RPIA: variants seen among roughly 807,000 people sequenced by gnomAD.
The protein encoded by RPIA is ribose-5-phosphate isomerase.
RPIA carries 29 observed loss-of-function variants against 37.8 expected under a neutral mutation model. The ratio of observed to expected loss-of-function variants is 0.77; its 90% confidence interval spans 0.57 to 1.05. The LOEUF (loss-of-function observed/expected upper bound fraction) is 1.05, where lower values mean the gene tolerates loss of function less well. Ranked by LOEUF, RPIA falls within the 50% of genes least tolerant of loss-of-function variation. The probability of loss-of-function intolerance (pLI) is 0.00; values close to 1 mark genes in which losing one functional copy is unlikely to be tolerated. For synonymous variants in RPIA, 167 were observed against 157.0 expected, an observed-to-expected ratio of 1.06 and a Z score of -0.48; for missense variants, 385 against 413.6, an observed-to-expected ratio of 0.93 and a Z score of 0.60.
chr2:88,739,128 T>G (rs1168533086), intron 8 of RPIA, among the ~76,000 whole-genome samples: 1 of 152,220 alleles, frequency 6.6e-6, no homozygotes, highest in South Asian at 2.1e-4. Context: ...TATCAAGGGC[T>G]CGTACAGGGG....
At chr2:88,707,060 A>G (rs1268768504) in intron 3 of RPIA, among the ~76,000 whole-genome samples, 1 of 152,232 alleles carries the variant, frequency 6.6e-6, no homozygotes, top group East Asian at 1.9e-4. Context: ...TGGAGGGCAC[A>G]TTTTAGAGGC....
intron 3 of RPIA, among the ~76,000 whole-genome samples, chr2:88,718,126 G>T (rs1468289949): frequency 6.6e-6 from 1 of 152,130 alleles, no homozygotes; most frequent in Non-Finnish European, 1.5e-5. Flanking sequence ...ATTTTGCAGG[G>T]TTGTAGCCAA....
chr2:88,718,893 T>A (rs551064684), intron 3 of RPIA, among the ~76,000 whole-genome samples: 3 of 151,160 alleles, frequency 2.0e-5, no homozygotes, highest in Non-Finnish European at 4.4e-5. Flanking sequence ...TAAAAGAAGT[T>A]TTTTTGACTC....
In RPIA at chr2:88,698,556, C is replaced by T. The variant is rs746329111; in HGVS notation, c.346+12C>T. The T allele has an allele frequency of 2.5e-5, 40 of 1,610,374 alleles. No individual in the cohort carries two copies. Among genetic ancestry groups the T allele is most frequent in the South Asian group, 7.7e-5 (7 of 91,002 alleles). On this transcript the variant is annotated intron_variant, in intron 2 of 8. Coordinates refer to ENST00000283646, the MANE Select transcript of RPIA (RefSeq NM_144563.3). ...TGTGCAGCGAATAGGTATGCTCTCT[C>T]ACTGTCTACTGGATGTTTTGTGTGT...
intron 3 of RPIA, among the ~76,000 whole-genome samples, chr2:88,709,880 C>G (rs980430940): frequency 6.6e-6 from 1 of 152,182 alleles, no homozygotes; most frequent in Non-Finnish European, 1.5e-5. Context: ...ATAATAGCCC[C>G]CCTTTTTTTT....
intron 3 of RPIA, among the ~76,000 whole-genome samples, chr2:88,724,792 C>A (rs1457193406): frequency 6.6e-6 from 1 of 152,138 alleles, no homozygotes; most frequent in African/African-American, 2.4e-5. Context: ...TACCTGAAAG[C>A]CAGAACTGGT....
At position 88,732,728 on chromosome 2, in the gene RPIA, T is replaced by TA. The variant is rs75685116; in HGVS notation, c.463-1787dup. On this transcript the variant is annotated intron_variant, in intron 4 of 8. Coordinates refer to ENST00000283646, the MANE Select transcript of RPIA (RefSeq NM_144563.3). ...ATGTACCCTAAAACTTAGAGTATAA[T>TA]AAAAAAAAAAAAAAAAAAAAAAAAA... is the stretch of plus-strand genomic sequence containing the variant. Among the ~76,000 whole-genome samples, 18 of 2,004 alleles carry TA rather than the reference T, an allele frequency of 9.0e-3. 2 individuals carry two copies. The highest frequency in any genetic ancestry group is 0.014 in the East Asian group (2 of 140). The allele number at this position is 2,004 out of a possible 152,430, so 1.3% of individuals were successfully genotyped here. A position where few individuals can be genotyped will look rare whatever the true frequency, so the allele number is the denominator to read the frequency against.
intron 3 of RPIA, among the ~76,000 whole-genome samples, chr2:88,708,754 A>AT (rs59981047): frequency 0.037 from 4,750 of 128,140 alleles, 237 homozygotes; most frequent in African/African-American, 0.12. Context: ...TGCCAAATGG[A>AT]TTTTTTTTTT....
chr2:88,709,247 A>T (rs1672934124), intron 3 of RPIA, among the ~76,000 whole-genome samples: 2 of 152,246 alleles, frequency 1.3e-5, no homozygotes, highest in Admixed American at 1.3e-4. Context: ...ATTTGCTTCG[A>T]CGATATTTTC....
intron 3 of RPIA, among the ~76,000 whole-genome samples, chr2:88,716,433 A>G (rs1312965959): frequency 6.6e-6 from 1 of 152,138 alleles, no homozygotes; most frequent in Non-Finnish European, 1.5e-5. Context: ...AAACTTTCTA[A>G]ATTGATTGTG....
At chr2:88,745,123 A>G (rs1474204495) in intron 8 of RPIA, among the ~76,000 whole-genome samples, 1 of 151,978 alleles carries the variant, frequency 6.6e-6, no homozygotes, top group Non-Finnish European at 1.5e-5. Flanking sequence ...ATGACTGGCT[A>G]ATTTTTTTGT....
At chr2:88,699,677 C>T (rs370357123) in intron 2 of RPIA, among the ~76,000 whole-genome samples, 6 of 152,164 alleles carry the variant, frequency 3.9e-5, no homozygotes, top group African/African-American at 7.2e-5. Flanking sequence ...CTGCAAAATG[C>T]GGAAAATAAT....
At chr2:88,695,571 C>G (rs1485677725) in intron 1 of RPIA, among the ~76,000 whole-genome samples, 1 of 152,160 alleles carries the variant, frequency 6.6e-6, no homozygotes, top group Non-Finnish European at 1.5e-5. Flanking sequence ...TTTCTCATTC[C>G]TTGAAGATTT....
intron 1 of RPIA, among the ~76,000 whole-genome samples, chr2:88,696,369 CTG>C (rs1452229892): frequency 6.6e-6 from 1 of 151,806 alleles, no homozygotes; most frequent in East Asian, 1.9e-4. Context: ...CAGAGTGAGA[CTG>C]TGTCTTTTAA....
At position 88,729,352 on chromosome 2, in the gene RPIA, C is replaced by T; in HGVS notation, c.462+15C>T. On this transcript the variant is annotated intron_variant, in intron 4 of 8. Transcript: ENST00000283646. ...GACACCCAGAGGTAAGATTGCCACT[C>T]AGAGGCAGACCACTGCGTATTTCTT... is the stretch of plus-strand genomic sequence containing the variant. 1 of 1,611,606 alleles carries T rather than the reference C, an allele frequency of 6.2e-7. No homozygotes were observed. Among genetic ancestry groups the T allele is most frequent in the Non-Finnish European group, 8.5e-7 (1 of 1,177,642 alleles).
intron 3 of RPIA, among the ~76,000 whole-genome samples, chr2:88,724,229 A>G (rs1673169515): frequency 6.6e-6 from 1 of 152,304 alleles, no homozygotes; most frequent in South Asian, 2.1e-4. Context: ...CCTCAGGAGC[A>G]TGAGAGGCCA....
chr2:88,728,736 A>G (rs1445073672), intron 3 of RPIA, among the ~76,000 whole-genome samples: 1 of 152,038 alleles, frequency 6.6e-6, no homozygotes, highest in Non-Finnish European at 1.5e-5. Context: ...AACATCCTAA[A>G]TCTCTCCCAG....
In RPIA at chr2:88,691,857, C is replaced by A; in HGVS notation, c.159C>A (p.Gly53=). 1 of 1,595,258 alleles carries A rather than the reference C, an allele frequency of 6.3e-7. No homozygotes were observed. Among genetic ancestry groups the A allele is most frequent in the Non-Finnish European group, 8.5e-7 (1 of 1,172,362 alleles). The part of the protein sequence containing the change: ...LPGRAQSGTR[G]GAGNTSTSCG... ...GGCGTGCACAGTCTGGGACCCGTGGCGGTGCTGGCAACACAAGCACCAGCT... is the reference window on the plus strand; with the variant it reads ...GGCGTGCACAGTCTGGGACCCGTGGAGGTGCTGGCAACACAAGCACCAGCT... The change falls in exon 1 of 9, where the codon GGC becomes GGA. Residue 53 remains glycine (G), a synonymous_variant. Coordinates refer to ENST00000283646, the MANE Select transcript of RPIA (RefSeq NM_144563.3).
chr2:88,724,731 A>C (rs1003300326), intron 3 of RPIA, among the ~76,000 whole-genome samples: 4 of 152,170 alleles, frequency 2.6e-5, no homozygotes, highest in African/African-American at 9.7e-5. Flanking sequence ...TTTGCTCTTT[A>C]AAATTAAAGG....
Sources: allele counts gnomAD v4.1 joint callset (sites outside exome capture counted in the v4.1 genomes callset), GRCh38; gene constraint gnomAD v4.1.1; transcripts MANE v1.5; gene names NCBI Gene and HGNC (gene_info 2026-07-23, HGNC 2026-07-21).